Variants in SYN2 observed in about 807,000 individuals in gnomAD.
SYN2 encodes synapsin II.
Under a neutral mutation model 50.9 loss-of-function variants are expected in SYN2, and 19 were observed. The ratio of observed to expected loss-of-function variants is 0.37; its 90% confidence interval spans 0.26 to 0.55. The LOEUF is 0.55. Among genes scored for constraint, SYN2 ranks in the 20% least tolerant of loss-of-function variants. The pLI is 0.81. For missense variants in SYN2, 587 were observed against 576.4 expected, an observed-to-expected ratio of 1.02 and a Z score of -0.19; for synonymous variants, 255 against 224.9, an observed-to-expected ratio of 1.13 and a Z score of -1.20.
At chr3:12,151,399 G>A in intron 5 of SYN2, 73 bp downstream of exon 5, 1 of 1,221,832 alleles carries the variant, frequency 8.2e-7, no homozygotes, top group Non-Finnish European at 1.2e-6. Flanking sequence ...TTATTGTGGG[G>A]CTCTGAAAAG....
intron 1 of SYN2, among the ~76,000 whole-genome samples, chr3:12,025,299 C>T (rs1213076702): frequency 6.6e-6 from 1 of 152,106 alleles, no homozygotes; most frequent in Non-Finnish European, 1.5e-5. Flanking sequence ...ACATTCAGTC[C>T]ATAGCAACGT....
chr3:12,121,887 T>A (rs950000989), intron 1 of SYN2, among the ~76,000 whole-genome samples: 1 of 152,138 alleles, frequency 6.6e-6, no homozygotes, highest in African/African-American at 2.4e-5. Flanking sequence ...ACTGCAGACT[T>A]GAGTCTGAAA....
intron 7 of SYN2, among the ~76,000 whole-genome samples, chr3:12,164,934 C>T (rs1402422341): frequency 6.6e-6 from 1 of 151,158 alleles, no homozygotes; most frequent in Admixed American, 6.6e-5. Context: ...GGTTATGGGA[C>T]TGGCTTGAAA....
At chr3:12,185,507 C>T in intron 11 of SYN2, 1 of 985,884 alleles carries the variant, frequency 1.0e-6, no homozygotes, top group Non-Finnish European at 1.2e-6. Context: ...TGCCCTCAGG[C>T]AGCATGCTTA....
intron 5 of SYN2, chr3:12,158,906 T>C: frequency 6.9e-7 from 1 of 1,445,710 alleles, no homozygotes; most frequent in Non-Finnish European, 9.1e-7. Flanking sequence ...CAGGGCTCCT[T>C]CCCAAGGCCG....
At chr3:12,180,996 T>C (rs1473592251) in intron 10 of SYN2, among the ~76,000 whole-genome samples, 1 of 152,220 alleles carries the variant, frequency 6.6e-6, no homozygotes, top group Non-Finnish European at 1.5e-5. Flanking sequence ...GTCAATCTCA[T>C]GTTTAAAAAA....
intron 1 of SYN2, among the ~76,000 whole-genome samples, chr3:12,069,658 G>A (rs79701741): frequency 0.014 from 2,067 of 152,166 alleles, 46 homozygotes; most frequent in African/African-American, 0.048. Flanking sequence ...ATTTCCAAGT[G>A]TACCCATTTT....
intron 7 of SYN2, among the ~76,000 whole-genome samples, chr3:12,166,726 TATTC>T (rs918928302): frequency 6.6e-5 from 10 of 152,214 alleles, no homozygotes; most frequent in African/African-American, 2.4e-4. Context: ...TATTGGAAGA[TATTC>T]ATAAAGAACC....
intron 1 of SYN2, among the ~76,000 whole-genome samples, chr3:12,108,479 TTTGACA>T (rs1252320552): frequency 1.3e-5 from 2 of 152,206 alleles, no homozygotes; most frequent in Admixed American, 6.6e-5. Context: ...TGGCTGTAAC[TTTGACA>T]TTGACTAGGT....
At chr3:12,109,352 G>A (rs160211) in intron 1 of SYN2, among the ~76,000 whole-genome samples, 141,036 of 152,274 alleles carry the variant, frequency 0.93, 65,361 homozygotes, top group East Asian at 1. Context: ...TATCTTCAGG[G>A]TTATGAAGAT....
intron 12 of SYN2, among the ~76,000 whole-genome samples, chr3:12,188,652 G>A (rs751686570): frequency 2.0e-5 from 3 of 151,932 alleles, no homozygotes; most frequent in Non-Finnish European, 4.4e-5. Flanking sequence ...CCTCTAATTA[G>A]TGGCAGAGCC....
intron 1 of SYN2, among the ~76,000 whole-genome samples, chr3:12,077,378 A>C (rs994005031): frequency 6.6e-6 from 1 of 152,030 alleles, no homozygotes; most frequent in Non-Finnish European, 1.5e-5. Flanking sequence ...TACATAGGTA[A>C]ACATGTGCCA....
intron 12 of SYN2, among the ~76,000 whole-genome samples, chr3:12,189,756 C>A (rs1395794421): frequency 6.6e-6 from 1 of 151,896 alleles, no homozygotes; most frequent in Non-Finnish European, 1.5e-5. Context: ...GAGCAGAGAT[C>A]GCACCACTGC....
intron 1 of SYN2, among the ~76,000 whole-genome samples, chr3:12,107,385 G>A (rs934251879): frequency 4.6e-5 from 7 of 152,234 alleles, no homozygotes; most frequent in Admixed American, 2.6e-4. Flanking sequence ...GATGGATGTC[G>A]TTGCAGTATA....
chr3:12,023,475 C>G (rs1253970448), intron 1 of SYN2, among the ~76,000 whole-genome samples: 1 of 151,912 alleles, frequency 6.6e-6, no homozygotes, highest in East Asian at 1.9e-4. Context: ...TTCTTTCTGC[C>G]CAAGTCTTTT....
chr3:12,071,296 C>T (rs997615161), intron 1 of SYN2: 3 of 563,854 alleles, frequency 5.3e-6, no homozygotes, highest in Non-Finnish European at 1.1e-5. Context: ...CATCTTCCAG[C>T]AGATGTGGAT....
intron 1 of SYN2, among the ~76,000 whole-genome samples, chr3:12,008,625 C>A (rs1400342734): frequency 1.3e-5 from 2 of 152,160 alleles, no homozygotes; most frequent in African/African-American, 4.8e-5. Context: ...AAGGGTATGG[C>A]AATAACACCA....
At chr3:12,133,004 G>T (rs891289941) in intron 1 of SYN2, among the ~76,000 whole-genome samples, 3 of 152,106 alleles carry the variant, frequency 2.0e-5, no homozygotes, top group African/African-American at 7.2e-5. Context: ...CCACTTTTCT[G>T]CCCACGTCCA....
intron 3 of SYN2, among the ~76,000 whole-genome samples, chr3:12,143,960 T>G (rs1296654776): frequency 1.3e-5 from 2 of 152,312 alleles, no homozygotes; most frequent in East Asian, 3.9e-4. Flanking sequence ...AACCCTCACT[T>G]TAAAAGACTA....
Sources: allele counts gnomAD v4.1 joint callset (sites outside exome capture counted in the v4.1 genomes callset), GRCh38; gene constraint gnomAD v4.1.1; transcripts MANE v1.5; gene names NCBI Gene and HGNC (gene_info 2026-07-23, HGNC 2026-07-21).